The following KCNC1 variants were observed in gnomAD, a reference collection of about 807,000 sequenced individuals.
The protein encoded by KCNC1 is voltage-gated potassium channel KCNC1.
In KCNC1, 8 loss-of-function variants were observed where a neutral mutation model predicts 43.4. The ratio of observed to expected loss-of-function variants is 0.18; its 90% CI spans 0.11 to 0.33. The LOEUF is 0.33. Ranked by LOEUF, KCNC1 falls within the 10% of genes least tolerant of loss-of-function variation. KCNC1 has a pLI of 1.00. For synonymous variants in KCNC1, 361 were observed against 360.5 expected, an observed-to-expected ratio of 1.00 and a Z score of -0.01; for missense variants, 420 against 836.0, an observed-to-expected ratio of 0.50 and a Z score of 6.14.
intron 1 of KCNC1, among the ~76,000 whole-genome samples, chr11:17,746,345 A>G (rs1024229420): frequency 3.9e-5 from 6 of 152,168 alleles, no homozygotes; most frequent in African/African-American, 9.7e-5. Flanking sequence ...GCGCTGCATC[A>G]GCCCACCCAC....
chr11:17,757,225 G>T (rs998054036), intron 1 of KCNC1, among the ~76,000 whole-genome samples: 6 of 152,172 alleles, frequency 3.9e-5, no homozygotes, highest in African/African-American at 1.2e-4. Flanking sequence ...CACACACAGT[G>T]AGTGATGAAC....
intron 2 of KCNC1, chr11:17,772,873 G>A (rs1181441295): frequency 7.7e-7 from 1 of 1,306,584 alleles, no homozygotes; most frequent in Non-Finnish European, 9.7e-7. Context: ...GGCCCGCCAG[G>A]TTGCTGAGGA....
intron 1 of KCNC1, among the ~76,000 whole-genome samples, chr11:17,764,211 TACACACCACACATC>T (rs1305268239): frequency 2.8e-4 from 36 of 128,840 alleles, no homozygotes; most frequent in African/African-American, 1.1e-3. Context: ...GACACACACA[TACACACCACACATC>T]ACACACCACA....
rs1316412984 is a variant in KCNC1, at chr11:17,772,329, C to T, written c.1235C>T (p.Ser412Phe). Residue 412 changes from serine to phenylalanine, a missense_variant, in exon 2 of 4, where the codon TCC becomes TTC. By Grantham distance (155) the Ser-to-Phe change is radical. Around this residue, in one of 5 missense-constraint regions of KCNC1, gnomAD observed 58 missense variants for 256.9 expected, o/e 0.23. Transcript: ENST00000265969. ...GGAGACATGTACCCGCAGACGTGGT[C>T]CGGCATGCTGGTGGGGGCTCTGTGT... ...GYGDMYPQTW[S>F]GMLVGALCAL... The T allele has an allele frequency of 2.5e-6, 4 of 1,614,194 alleles. No homozygotes were observed.
At chr11:17,752,402 C>T (rs1187948777) in intron 1 of KCNC1, among the ~76,000 whole-genome samples, 3 of 152,192 alleles carry the variant, frequency 2.0e-5, no homozygotes, top group East Asian at 1.9e-4. Context: ...ATTACAGTCA[C>T]GGCTGCAGCT....
At chr11:17,755,890 G>A (rs1273596590) in intron 1 of KCNC1, among the ~76,000 whole-genome samples, 1 of 152,156 alleles carries the variant, frequency 6.6e-6, no homozygotes, top group Non-Finnish European at 1.5e-5. Context: ...CACTAAGGAT[G>A]TGAGTGTAGA....
At position 17,773,910 on chromosome 11, in the gene KCNC1, G is replaced by A; in HGVS notation, c.1504+1312G>A. On this transcript the variant is annotated intron_variant, in intron 2 of 3. Coordinates refer to ENST00000265969, the MANE Select transcript of KCNC1 (RefSeq NM_001112741.2). The surrounding 1 kb of genome is among the most constrained non-coding windows in gnomAD (Gnocchi z 4.1). ...TGCCCAGGTCTGGCAGGAGGCTGCT[G>A]GCTAGCTCAGCCCCAGGTGGGGAAG... 1.0e-6 allele frequency: 1 copy of A among 985,470 alleles called. No homozygotes were observed. The allele number at this position is 985,470 out of a possible 1,614,324, so 61.0% of individuals were successfully genotyped here. A position where few individuals can be genotyped will look rare whatever the true frequency, so the allele number is the denominator to read the frequency against.
At chr11:17,764,185 C>T (rs1849119122) in intron 1 of KCNC1, among the ~76,000 whole-genome samples, 1 of 148,696 alleles carries the variant, frequency 6.7e-6, no homozygotes, top group Non-Finnish European at 1.5e-5. Flanking sequence ...CAACACAAAC[C>T]ACACATAGCC....
intron 1 of KCNC1, among the ~76,000 whole-genome samples, chr11:17,759,509 G>A (rs1020487869): frequency 6.6e-6 from 1 of 152,124 alleles, no homozygotes; most frequent in Non-Finnish European, 1.5e-5. Flanking sequence ...CTCAGCTTTC[G>A]ACATGCCTTC....
At chr11:17,766,241 G>A (rs1167642340) in intron 1 of KCNC1, among the ~76,000 whole-genome samples, 1 of 152,240 alleles carries the variant, frequency 6.6e-6, no homozygotes, top group Admixed American at 6.5e-5. Context: ...GGTGTGTGGC[G>A]ATGTGTCTCC....
rs6486395 is a variant in KCNC1, at chr11:17,739,127, T to C, written c.570+2555T>C. 0.98 allele frequency among the ~76,000 whole-genome samples: 149,150 copies of C among 152,022 alleles called. 73,223 individuals are homozygous for C. The highest frequency in any genetic ancestry group is 1 in the South Asian group (4,786 of 4,786). On this transcript the variant is annotated intron_variant, in intron 1 of 3. Coordinates refer to ENST00000265969, the MANE Select transcript of KCNC1 (RefSeq NM_001112741.2). The surrounding 1 kb of genome is among the most constrained non-coding windows in gnomAD (Gnocchi z 4.2). ...CCCTCCTCCCCCTCTGTCTTTGCTC[T>C]GCCGCCTCTGCTGTCACCTTTGTTT...
At chr11:17,762,593 C>T (rs1473026580) in intron 1 of KCNC1, among the ~76,000 whole-genome samples, 2 of 152,206 alleles carry the variant, frequency 1.3e-5, no homozygotes, top group Non-Finnish European at 2.9e-5. Context: ...CCACTACCTC[C>T]TCTGATGAGA....
chr11:17,749,889 G>A (rs866686085), intron 1 of KCNC1, among the ~76,000 whole-genome samples: 7 of 152,378 alleles, frequency 4.6e-5, no homozygotes, highest in Middle Eastern at 3.4e-3. Context: ...CTTCTCAGCG[G>A]TGTTAGGAGA....
At chr11:17,747,856 G>T (rs1848918454) in intron 1 of KCNC1, among the ~76,000 whole-genome samples, 1 of 152,096 alleles carries the variant, frequency 6.6e-6, no homozygotes, top group Admixed American at 6.5e-5. Flanking sequence ...TGGCACCCCT[G>T]CCCACAATGC....
At position 17,736,462 on chromosome 11, in the gene KCNC1, C is replaced by G; in HGVS notation, c.460C>G (p.Arg154Gly). The G allele has an allele frequency of 3.7e-6, 6 of 1,601,854 alleles. No individual in the cohort carries two copies. Among genetic ancestry groups the G allele is most frequent in the Non-Finnish European group, 5.1e-6 (6 of 1,177,448 alleles). The change falls in exon 1 of 4, where the codon CGC becomes GGC. Residue 154 changes from arginine to glycine, a missense_variant. Arg to Gly is a moderately radical substitution (Grantham distance 125). Around this residue, in one of 5 missense-constraint regions of KCNC1, gnomAD observed 151 missense variants for 216.7 expected, o/e 0.70. Transcript: ENST00000265969. The surrounding 1 kb of genome is among the most constrained non-coding windows in gnomAD (Gnocchi z 9.3). ...CGAGGACGAGCTGGAGATGACCAAG[C>G]GCCTGGCGCTCAGTGACTCCCCGGA... is the stretch of plus-strand genomic sequence containing the variant. ...DGEDELEMTK[R>G]LALSDSPDGR... is the part of the protein sequence containing the mutation.
rs2133806559 is a variant in KCNC1 at position 17,773,837 on chromosome 11, A to G, written c.1504+1239A>G. On this transcript the variant is annotated intron_variant, in intron 2 of 3. Transcript: ENST00000265969. The surrounding 1 kb of genome is among the most constrained non-coding windows in gnomAD (Gnocchi z 4.1). ...GAGTAAGAAGGAGTGCCAGGTGAGCAGGAGGTTGACGTGACAGGTGGCATT... is the reference window on the plus strand; with the variant it reads ...GAGTAAGAAGGAGTGCCAGGTGAGCGGGAGGTTGACGTGACAGGTGGCATT... 1.0e-6 allele frequency: 1 copy of G among 985,558 alleles called. No individual in the cohort carries two copies. Among genetic ancestry groups the G allele is most frequent in the Non-Finnish European group, 1.2e-6 (1 of 829,974 alleles). 61.1% of individuals were successfully genotyped at this position (985,558 alleles called of 1,614,324 possible).
chr11:17,755,298 G>A (rs866665997), intron 1 of KCNC1, among the ~76,000 whole-genome samples: 11 of 152,192 alleles, frequency 7.2e-5, no homozygotes, highest in African/African-American at 1.9e-4. Context: ...CCATTGAGAA[G>A]ACCTTTGCTC....
In KCNC1 at chr11:17,746,887, C is replaced by T. The variant is rs1190037045; in HGVS notation, c.570+10315C>T. Among the ~76,000 whole-genome samples the T allele has an allele frequency of 2.6e-5, 4 of 152,136 alleles. No individual in the cohort carries two copies. In the South Asian group the frequency reaches 6.2e-4, roughly 24 times the overall value. On this transcript the variant is annotated intron_variant, in intron 1 of 3. Transcript: ENST00000265969. ...GATAAGTCTCCTAACCTGTCTGTGC[C>T]TCAAAAGAGGGGTATTGATAGCACC...
intron 1 of KCNC1, among the ~76,000 whole-genome samples, chr11:17,760,599 C>T (rs1004861253): frequency 4.6e-5 from 7 of 152,154 alleles, no homozygotes; most frequent in Non-Finnish European, 8.8e-5. Context: ...CTAAGGCCTC[C>T]CCTAGGGCCC....
Sources: gnomAD v4.1 joint callset for allele counts (sites outside exome capture counted in the v4.1 genomes callset) on GRCh38, gnomAD v4.1.1 for gene constraint, gnomAD v4.1.1 regional missense constraint, Gnocchi (gnomAD v3.1) non-coding constraint, MANE v1.5 for transcripts, NCBI Gene and HGNC (gene_info 2026-07-23, HGNC 2026-07-21) for gene names.